The following ZNF592 variants were observed in gnomAD, a reference collection of about 807,000 sequenced individuals.
ZNF592 encodes the protein zinc finger protein 592, also known as spinocerebellar ataxia, autosomal recessive 5.
In ZNF592, 11 loss-of-function variants were observed where a neutral mutation model predicts 80.3. The ratio of observed to expected loss-of-function variants is 0.14; its 90% CI spans 0.09 to 0.23. ZNF592 has a LOEUF of 0.23. Among genes scored for constraint, ZNF592 ranks in the 10% least tolerant of loss-of-function variants. The probability of loss-of-function intolerance (pLI) is 1.00; values close to 1 mark genes in which losing one functional copy is unlikely to be tolerated. For synonymous variants in ZNF592, 646 were observed against 640.3 expected (o/e 1.01, Z -0.13); for missense variants, 1,420 against 1,633.9 (o/e 0.87, Z 2.26).
chr15:84,760,313 T>G (rs1254979847), intron 1 of ZNF592, among the ~76,000 whole-genome samples: 1 of 152,178 alleles, frequency 6.6e-6, no homozygotes, highest in African/African-American at 2.4e-5. Flanking sequence ...CTCTTCCTTC[T>G]TGTTCATCCC....
rs1470091931 is a variant in ZNF592, at chr15:84,783,832, A to C, written c.1157A>C (p.Glu386Ala). ...RIKTIKTSSG[E>A]IKRTVTRILP... The stretch of plus-strand genomic sequence containing the variant: ...AAAACCATTAAGACATCATCAGGGG[A>C]AATCAAACGGACTGTCACAAGGATC... Residue 386 changes from glutamate (E) to alanine (A), a missense_variant, in exon 4 of 11, where the codon GAA becomes GCA. Physicochemically the swap from Glu to Ala is moderately radical, Grantham distance 107. This residue lies in a region of ZNF592 where 524 missense variants were observed against 628.3 expected (regional missense o/e 0.83). Transcript: ENST00000560079. The surrounding 1 kb of genome is among the most constrained non-coding windows in gnomAD (Gnocchi z 5.0). 6.2e-7 allele frequency: 1 copy of C among 1,614,206 alleles called. No homozygotes were observed. The highest frequency in any genetic ancestry group is 8.5e-7 in the Non-Finnish European group (1 of 1,180,026).
At chr15:84,777,694 C>CCTTTTTTTTTTTTT (rs1432630650) in intron 2 of ZNF592, among the ~76,000 whole-genome samples, 1 of 98,414 alleles carries the variant, frequency 1.0e-5, no homozygotes, top group Non-Finnish European at 2.0e-5. Context: ...TGTTGAGATA[C>CCTTTTTTTTTTTTT]TTTTTTTTTT....
intron 1 of ZNF592, among the ~76,000 whole-genome samples, chr15:84,760,120 A>G (rs1486230299): frequency 6.8e-6 from 1 of 146,042 alleles, no homozygotes; most frequent in African/African-American, 2.4e-5. Context: ...GAATTTGAGG[A>G]TAAGTGGTTA....
In ZNF592 at chr15:84,783,454, G is replaced by A. The variant is rs755046243; in HGVS notation, c.779G>A (p.Arg260Gln). ...NSIGESKGLA[R>Q]ELGTCSSVPP... ...ATTGGAGAGTCCAAGGGGCTTGCCC[G>A]GGAGCTTGGTACCTGCTCATCAGTC... Residue 260 changes from arginine to glutamine, a missense_variant, in exon 4 of 11, where the codon CGG (arginine) becomes CAG (glutamine). Around this residue, in one of 7 missense-constraint regions of ZNF592, gnomAD observed 373 missense variants for 355.5 expected, o/e 1.05. Coordinates refer to ENST00000560079, the MANE Select transcript of ZNF592 (RefSeq NM_014630.3). The surrounding 1 kb of genome is among the most constrained non-coding windows in gnomAD (Gnocchi z 5.0). The A allele has an allele frequency of 2.5e-6, 4 of 1,614,052 alleles. No homozygotes were observed. The highest frequency in any genetic ancestry group is 1.3e-5 in the African/African-American group (1 of 74,930).
intron 5 of ZNF592, among the ~76,000 whole-genome samples, chr15:84,796,265 T>TA (rs1396711040): frequency 6.7e-4 from 29 of 43,602 alleles, no homozygotes; most frequent in African/African-American, 3.0e-3. Context: ...TATATATATA[T>TA]TTTATATATA....
At chr15:84,797,610 A>C (rs1962955139) in intron 5 of ZNF592, among the ~76,000 whole-genome samples, 1 of 152,212 alleles carries the variant, frequency 6.6e-6, no homozygotes, top group South Asian at 2.1e-4. Flanking sequence ...TGGCCAGTGC[A>C]GGGAAGGTTG....
chr15:84,763,156 G>A (rs1254271604), intron 1 of ZNF592, among the ~76,000 whole-genome samples: 1 of 152,212 alleles, frequency 6.6e-6, no homozygotes, highest in African/African-American at 2.4e-5. Context: ...TTGGGGGCAG[G>A]CAGGAGCCTG....
chr15:84,804,245 T>G lies in ZNF592; in HGVS notation c.*1852T>G, dbSNP rs531267179. The G allele has an allele frequency of 2.0e-5, 3 of 152,352 alleles. No individual in the cohort carries two copies. The highest frequency in any genetic ancestry group is 6.5e-5 in the Admixed American group (1 of 15,304). The allele number at this position is 152,352 out of a possible 1,614,324, so 9.4% of individuals were successfully genotyped here. A position where few individuals can be genotyped will look rare whatever the true frequency, so the allele number is the denominator to read the frequency against. On this transcript the variant is annotated 3_prime_UTR_variant, in exon 11 of 11. Coordinates refer to ENST00000560079, the MANE Select transcript of ZNF592 (RefSeq NM_014630.3). Reference sequence around the variant, plus strand: ...GCCAGACCTAGACCTGCCGTAGCTGTTGTCCCATGCCTAATTCTAGTTACA... The same window carrying G: ...GCCAGACCTAGACCTGCCGTAGCTGGTGTCCCATGCCTAATTCTAGTTACA...
intron 1 of ZNF592, among the ~76,000 whole-genome samples, chr15:84,758,391 T>C (rs1381894968): frequency 6.6e-6 from 1 of 152,006 alleles, no homozygotes; most frequent in East Asian, 1.9e-4. Context: ...TAGGTGATCC[T>C]CCCACCTCAG....
At chr15:84,790,173 CTCAG>C (rs984664233) in intron 4 of ZNF592, among the ~76,000 whole-genome samples, 1 of 149,650 alleles carries the variant, frequency 6.7e-6, no homozygotes, top group African/African-American at 2.5e-5. Context: ...GACAAGACCA[CTCAG>C]TCAGTCTTTA....
intron 4 of ZNF592, among the ~76,000 whole-genome samples, chr15:84,786,411 G>A (rs1962586228): frequency 6.6e-6 from 1 of 152,170 alleles, no homozygotes; most frequent in African/African-American, 2.4e-5. Context: ...GAGTAGGAGG[G>A]GCAAGGGTGT....
chr15:84,766,878 C>T (rs1426173829), intron 2 of ZNF592, among the ~76,000 whole-genome samples: 1 of 152,096 alleles, frequency 6.6e-6, no homozygotes, highest in Non-Finnish European at 1.5e-5. Context: ...CCTCGTGTCC[C>T]TCCAGACCTG....
intron 10 of ZNF592, among the ~76,000 whole-genome samples, chr15:84,800,856 A>C (rs1204407810): frequency 6.6e-6 from 1 of 152,230 alleles, no homozygotes; most frequent in Non-Finnish European, 1.5e-5. Context: ...GTGCAGTAAC[A>C]AAGACGGAAC....
chr15:84,754,963 G>GTT (rs36104262), intron 1 of ZNF592, among the ~76,000 whole-genome samples: 2,672 of 110,668 alleles, frequency 0.024, 100 homozygotes, highest in African/African-American at 0.038. Context: ...CCCCTGAGTT[G>GTT]TTTTTTTTTT....
chr15:84,780,863 AAC>A (rs1298946952), intron 3 of ZNF592, among the ~76,000 whole-genome samples: 1 of 152,178 alleles, frequency 6.6e-6, no homozygotes, highest in Non-Finnish European at 1.5e-5. Flanking sequence ...AAAATAACCC[AAC>A]AGTAATTCCA....
chr15:84,752,212 A>G (rs1197522733), intron 1 of ZNF592, among the ~76,000 whole-genome samples: 1 of 152,152 alleles, frequency 6.6e-6, no homozygotes, highest in African/African-American at 2.4e-5. Flanking sequence ...ACTTAATGCC[A>G]TGTTCCATGT....
At chr15:84,759,958 C>CG (rs1360268174) in intron 1 of ZNF592, among the ~76,000 whole-genome samples, 5 of 40,918 alleles carry the variant, frequency 1.2e-4, no homozygotes, top group East Asian at 4.0e-3. Context: ...GGAGATTCCC[C>CG]CCCCCCCCAC....
chr15:84,773,585 G>A (rs1325101565), intron 2 of ZNF592, among the ~76,000 whole-genome samples: 1 of 152,108 alleles, frequency 6.6e-6, no homozygotes, highest in Admixed American at 6.5e-5. Flanking sequence ...ATCCAGGGGA[G>A]AAGATCTACA....
chr15:84,802,204 C>A lies in ZNF592; in HGVS notation c.3615C>A (p.Ser1205=). Residue 1205 remains serine (S), a synonymous_variant, in exon 11 of 11, where the codon TCC becomes TCA. Coordinates refer to ENST00000560079, the MANE Select transcript of ZNF592 (RefSeq NM_014630.3). ...AVEVAEPEEG[S]GEEVPMETRE... is the part of the protein sequence containing the mutation. The stretch of plus-strand genomic sequence containing the variant: ...AGGTGGCAGAGCCAGAGGAGGGCTC[C>A]GGGGAGGAGGTGCCCATGGAGACTA... 6.2e-7 allele frequency: 1 copy of A among 1,600,218 alleles called. No homozygotes were observed. Among genetic ancestry groups the A allele is most frequent in the South Asian group, 1.1e-5 (1 of 90,252 alleles).
Sources: allele counts gnomAD v4.1 joint callset (sites outside exome capture counted in the v4.1 genomes callset), GRCh38; gene constraint gnomAD v4.1.1; regional missense constraint gnomAD v4.1.1; non-coding constraint Gnocchi (gnomAD v3.1); transcripts MANE v1.5; gene names NCBI Gene and HGNC (gene_info 2026-07-23, HGNC 2026-07-21).